Variants in STIM2 observed in about 807,000 individuals in gnomAD.
STIM2 encodes the protein stromal interaction molecule 2.
STIM2 carries 31 observed loss-of-function variants against 85.8 expected under a neutral mutation model. That is an observed-to-expected ratio of 0.36 (90% CI 0.27 to 0.49). The LOEUF (loss-of-function observed/expected upper bound fraction) is 0.49, where lower values mean the gene tolerates loss of function less well. STIM2 is among the 20% of genes least tolerant of loss of function. STIM2 has a pLI of 0.98. For synonymous variants in STIM2, 356 were observed against 331.1 expected (o/e 1.08, Z -0.82); for missense variants, 841 against 927.6 (o/e 0.91, Z 1.21).
At chr4:27,021,656 T>A (rs1360136753) in intron 11 of STIM2, 1 of 456,654 alleles carries the variant, frequency 2.2e-6, no homozygotes, top group South Asian at 1.5e-5. Flanking sequence ...AAAATCACTT[T>A]AATGGCTGTG....
intron 2 of STIM2, among the ~76,000 whole-genome samples, chr4:26,949,770 C>T (rs984232937): frequency 1.3e-5 from 2 of 152,106 alleles, no homozygotes; most frequent in Non-Finnish European, 2.9e-5. Flanking sequence ...CTCCTTGGCT[C>T]CTCCTCTTAT....
At chr4:26,876,266 C>A (rs981319788) in intron 1 of STIM2, among the ~76,000 whole-genome samples, 3 of 152,076 alleles carry the variant, frequency 2.0e-5, no homozygotes, top group African/African-American at 7.2e-5. Flanking sequence ...TCCTGTAGAG[C>A]CTTTATATTA....
At chr4:26,863,546 A>G (rs1026144160) in intron 1 of STIM2, among the ~76,000 whole-genome samples, 1 of 152,118 alleles carries the variant, frequency 6.6e-6, no homozygotes, top group African/African-American at 2.4e-5. Flanking sequence ...GAGTGTATGA[A>G]TAGTGCTTTC....
chr4:26,974,287 T>C (rs1046357863), intron 3 of STIM2, among the ~76,000 whole-genome samples: 2 of 152,360 alleles, frequency 1.3e-5, no homozygotes, highest in East Asian at 1.9e-4. Flanking sequence ...TGATGTTTGC[T>C]GGTTATTTTT....
chr4:27,008,699 CT>C, intron 9 of STIM2, 64 bp from the exon 10 acceptor site: 1 of 1,505,878 alleles, frequency 6.6e-7, no homozygotes, highest in Non-Finnish European at 9.2e-7. Context: ...CATGTATTGC[CT>C]TTTTTCAGTG....
At chr4:26,910,921 T>G (rs145379078) in intron 1 of STIM2, among the ~76,000 whole-genome samples, 8 of 152,012 alleles carry the variant, frequency 5.3e-5, no homozygotes, top group Non-Finnish European at 1.0e-4. Context: ...CCTAAGGAAT[T>G]GAGTTTGTAT....
Position 27,023,162 on chromosome 4 carries a change from C to T in STIM2, c.*166C>T. 2 of 662,328 alleles carry T rather than the reference C, an allele frequency of 3.0e-6. No individual in the cohort carries two copies. Among genetic ancestry groups the T allele is most frequent in the Non-Finnish European group, 5.3e-6 (2 of 380,666 alleles). 41.0% of individuals were successfully genotyped at this position (662,328 alleles called of 1,614,324 possible). A position where few individuals can be genotyped will look rare whatever the true frequency, so the allele number is the denominator to read the frequency against. On this transcript the variant is annotated 3_prime_UTR_variant, in exon 12 of 12. Coordinates refer to ENST00000467087, the MANE Select transcript of STIM2 (RefSeq NM_020860.4). ...ATCCAGAAGGGCAACTGTCTACTGTCTGCTTATTTAAGTGACTATATATAA... is the reference window on the plus strand; with the variant it reads ...ATCCAGAAGGGCAACTGTCTACTGTTTGCTTATTTAAGTGACTATATATAA...
At chr4:26,950,740 A>C (rs1024032425) in intron 2 of STIM2, among the ~76,000 whole-genome samples, 3 of 152,318 alleles carry the variant, frequency 2.0e-5, no homozygotes, top group African/African-American at 7.2e-5. Flanking sequence ...GGACTAAGAC[A>C]AAGGTGTTTT....
intron 10 of STIM2, among the ~76,000 whole-genome samples, chr4:27,012,100 T>C (rs963489941): frequency 1.3e-5 from 2 of 152,106 alleles, no homozygotes; most frequent in African/African-American, 2.4e-5. Flanking sequence ...TGCTGACTTA[T>C]AATACCACTT....
rs373337752 is a variant in STIM2 at position 26,995,368 on chromosome 4, A to G, written c.398-11A>G. The G allele has an allele frequency of 8.0e-6, 12 of 1,493,950 alleles. No homozygotes were observed. The African/African-American group carries it at 1.7e-4, about 21-fold the overall frequency. The allele number at this position is 1,493,950 out of a possible 1,614,324, so 92.5% of individuals were successfully genotyped here. On this transcript the variant is annotated splice_polypyrimidine_tract_variant and intron_variant, in intron 3 of 11. Transcript: ENST00000467087. Reference sequence around the variant, plus strand: ...TGTTTAAAATATGCATTCCCCTTTTATCTCCTGCAGTTCATAATTGGACCC... The same window carrying G: ...TGTTTAAAATATGCATTCCCCTTTTGTCTCCTGCAGTTCATAATTGGACCC...
intron 3 of STIM2, among the ~76,000 whole-genome samples, chr4:26,959,117 A>G (rs955702485): frequency 6.6e-6 from 1 of 152,224 alleles, no homozygotes; most frequent in Non-Finnish European, 1.5e-5. Context: ...AATGTAAATT[A>G]GATCTGCTCA....
At chr4:26,983,166 C>T (rs955817680) in intron 3 of STIM2, among the ~76,000 whole-genome samples, 6 of 152,130 alleles carry the variant, frequency 3.9e-5, no homozygotes, top group African/African-American at 9.7e-5. Flanking sequence ...GGAGAAAAAT[C>T]GGAATGCACA....
In STIM2 at chr4:27,023,231, G is replaced by C. The variant is rs1208491439; in HGVS notation, c.*235G>C. On this transcript the variant is annotated 3_prime_UTR_variant, in exon 12 of 12. Transcript: ENST00000467087. ...TATTACTGAAAAATCATTGAAATGA[G>C]ACAGTTTACAGTCATTTCTGCCTAT... 2.0e-6 allele frequency: 1 copy of C among 503,384 alleles called. No individual in the cohort carries two copies. The highest frequency in any genetic ancestry group is 3.3e-5 in the East Asian group (1 of 30,300). The allele number at this position is 503,384 out of a possible 1,614,324, so 31.2% of individuals were successfully genotyped here.
At chr4:26,923,409 T>G (rs1240376814) in intron 2 of STIM2, among the ~76,000 whole-genome samples, 1 of 151,852 alleles carries the variant, frequency 6.6e-6, no homozygotes, top group Non-Finnish European at 1.5e-5. Context: ...AAGAAGAATT[T>G]CATATCCAGC....
At chr4:26,899,773 A>G (rs1010778699) in intron 1 of STIM2, among the ~76,000 whole-genome samples, 7 of 152,224 alleles carry the variant, frequency 4.6e-5, no homozygotes, top group African/African-American at 9.6e-5. Context: ...ATAAAATTAC[A>G]TTTTAAAAAT....
intron 1 of STIM2, among the ~76,000 whole-genome samples, chr4:26,894,538 A>ATT (rs778868359): frequency 7.2e-6 from 1 of 139,350 alleles, no homozygotes; most frequent in South Asian, 2.2e-4. Flanking sequence ...TTGCAGCACC[A>ATT]TTTTTTTTTT....
At chr4:26,998,504 GA>G (rs1428359960) in intron 4 of STIM2, among the ~76,000 whole-genome samples, 1 of 152,014 alleles carries the variant, frequency 6.6e-6, no homozygotes, top group Non-Finnish European at 1.5e-5. Flanking sequence ...GATCTAAATT[GA>G]AAACTTAATT....
chr4:27,021,820 G>T (rs1186118887), intron 11 of STIM2, among the ~76,000 whole-genome samples: 1 of 152,120 alleles, frequency 6.6e-6, no homozygotes, highest in Non-Finnish European at 1.5e-5. Flanking sequence ...AGATTTGAAG[G>T]AATGGGTGAT....
intron 1 of STIM2, among the ~76,000 whole-genome samples, chr4:26,870,973 A>G (rs1722590726): frequency 6.6e-6 from 1 of 151,940 alleles, no homozygotes; most frequent in Admixed American, 6.6e-5. Flanking sequence ...AGACAGAGAA[A>G]GGCATGGTGG....
Sources: allele counts gnomAD v4.1 joint callset (sites outside exome capture counted in the v4.1 genomes callset), GRCh38; gene constraint gnomAD v4.1.1; transcripts MANE v1.5; gene names NCBI Gene and HGNC (gene_info 2026-07-23, HGNC 2026-07-21).